CCDC93: variants seen among roughly 807,000 people sequenced by gnomAD.
The protein encoded by CCDC93 is CCC complex scaffolding subunit CCDC93.
A neutral mutation model predicts 108.2 loss-of-function variants in CCDC93; 61 were observed. The observed-to-expected ratio is 0.56, with a 90% CI of 0.46 to 0.70. CCDC93 has a LOEUF of 0.70. Ranked by LOEUF, CCDC93 falls within the 30% of genes least tolerant of loss-of-function variation. The pLI, the probability that CCDC93 is intolerant of heterozygous loss-of-function variation, is 0.00. For synonymous variants in CCDC93, 276 were observed against 260.4 expected, an observed-to-expected ratio of 1.06 and a Z score of -0.58; for missense variants, 685 against 764.2, an observed-to-expected ratio of 0.90 and a Z score of 1.22.
intron 4 of CCDC93, 196 bp from the exon 5 acceptor site, chr2:117,996,558 C>T (rs976504754): frequency 9.8e-6 from 5 of 509,744 alleles, no homozygotes; most frequent in Non-Finnish European, 1.4e-5. Flanking sequence ...TCCAATGGGA[C>T]CTAGTGCTGA....
chr2:117,988,634 T>A (rs182894391), intron 6 of CCDC93, among the ~76,000 whole-genome samples: 8 of 152,230 alleles, frequency 5.3e-5, no homozygotes, highest in Non-Finnish European at 1.2e-4. Flanking sequence ...AGGGACCCCA[T>A]AGATGTTTTC....
chr2:117,944,866 C>T (rs1678818108), intron 17 of CCDC93: 1 of 466,038 alleles, frequency 2.1e-6, no homozygotes, highest in East Asian at 7.0e-5. Flanking sequence ...AGTTTTCCTG[C>T]TTTTCCTTTC....
At chr2:118,008,444 TG>T in intron 2 of CCDC93, 100 bp downstream of exon 2, 1 of 711,120 alleles carries the variant, frequency 1.4e-6, no homozygotes, top group Non-Finnish European at 2.5e-6. Context: ...AACACAGACA[TG>T]GAAGAAGTTA....
intron 16 of CCDC93, 60 bp from the exon 17 acceptor site, chr2:117,945,642 C>T: frequency 6.8e-7 from 1 of 1,472,126 alleles, no homozygotes; most frequent in Non-Finnish European, 9.5e-7. Flanking sequence ...AGACAGAAGC[C>T]AAGGATCTAG....
chr2:118,008,035 C>CT (rs1456629200), intron 2 of CCDC93, among the ~76,000 whole-genome samples: 1 of 152,210 alleles, frequency 6.6e-6, no homozygotes, highest in African/African-American at 2.4e-5. Context: ...TCTTTGAGAA[C>CT]TGTGCCTCTG....
intron 16 of CCDC93, 81 bp from the exon 17 acceptor site, chr2:117,945,663 G>A: frequency 2.6e-6 from 3 of 1,168,976 alleles, no homozygotes; most frequent in Non-Finnish European, 3.8e-6. Context: ...ATGTAGGAAG[G>A]GGCCAGGCAG....
intron 6 of CCDC93, among the ~76,000 whole-genome samples, chr2:117,990,456 T>C (rs1451958283): frequency 6.6e-6 from 1 of 152,244 alleles, no homozygotes; most frequent in African/African-American, 2.4e-5. Flanking sequence ...ACGCCCATCA[T>C]AAGCTCGGAT....
chr2:117,993,388 C>T (rs1192369374), intron 6 of CCDC93, among the ~76,000 whole-genome samples: 3 of 137,844 alleles, frequency 2.2e-5, no homozygotes, highest in East Asian at 4.2e-4. Flanking sequence ...AGCGAGACTC[C>T]GTCTCAAAAA....
chr2:117,920,533 C>T, intron 23 of CCDC93, 137 bp from the exon 24 acceptor site: 1 of 513,342 alleles, frequency 1.9e-6, no homozygotes, highest in Non-Finnish European at 3.5e-6. Context: ...CATGCTGCCG[C>T]CAGGATGGTG....
chr2:117,960,457 ATGTCTCTGAC>A (rs1304425885), intron 11 of CCDC93, among the ~76,000 whole-genome samples: 4 of 152,220 alleles, frequency 2.6e-5, no homozygotes, highest in African/African-American at 9.6e-5. Flanking sequence ...GGATTGGGTG[ATGTCTCTGAC>A]TGTTAGCAAG....
rs559405174 is a variant in CCDC93, at chr2:117,915,540, A to G, written c.*4803T>C. The G allele has an allele frequency of 6.6e-6, 1 of 152,310 alleles. No homozygotes were observed. Among genetic ancestry groups the G allele is most frequent in the African/African-American group, 2.4e-5 (1 of 41,566 alleles). 9.4% of individuals were successfully genotyped at this position (152,310 alleles called of 1,614,324 possible). A position where few individuals can be genotyped will look rare whatever the true frequency, so the allele number is the denominator to read the frequency against. Reference sequence around the variant, plus strand: ...ATTTAGAGAATCAGAATTTTCTTCCATTTTGGTTCTATTAAGAAAAGTATA... The same window carrying G: ...ATTTAGAGAATCAGAATTTTCTTCCGTTTTGGTTCTATTAAGAAAAGTATA... On this transcript the variant is annotated 3_prime_UTR_variant, in exon 24 of 24. Transcript: ENST00000376300.
chr2:117,946,940 A>G, intron 15 of CCDC93, 58 bp from the exon 16 acceptor site: 1 of 1,229,022 alleles, frequency 8.1e-7, no homozygotes, highest in Non-Finnish European at 1.2e-6. Flanking sequence ...AGACGCAATT[A>G]TTCAACTATT....
chr2:117,967,571 C>CT (rs1421083251), intron 11 of CCDC93, among the ~76,000 whole-genome samples: 2 of 152,170 alleles, frequency 1.3e-5, no homozygotes, highest in African/African-American at 4.8e-5. Flanking sequence ...AAGGCAGACA[C>CT]TAAGGATGGT....
chr2:117,922,669 A>G (rs1261434559), intron 23 of CCDC93, among the ~76,000 whole-genome samples: 4 of 152,210 alleles, frequency 2.6e-5, no homozygotes, highest in Non-Finnish European at 5.9e-5. Context: ...ATTATTGCAC[A>G]CTACAAGTGC....
At chr2:117,986,157 TC>T in intron 6 of CCDC93, 88 bp from the exon 7 acceptor site, 2 of 532,846 alleles carry the variant, frequency 3.8e-6, no homozygotes, top group Non-Finnish European at 6.5e-6. Context: ...TGGGGTATAT[TC>T]TCTTTTTTTT....
chr2:117,927,104 T>C (rs1678138467), intron 23 of CCDC93, among the ~76,000 whole-genome samples: 1 of 152,098 alleles, frequency 6.6e-6, no homozygotes, highest in South Asian at 2.1e-4. Context: ...AAACTAGGTA[T>C]TGATGGGATA....
chr2:117,938,592 C>T (rs1250595682), intron 20 of CCDC93, among the ~76,000 whole-genome samples: 1 of 150,330 alleles, frequency 6.7e-6, no homozygotes, highest in Non-Finnish European at 1.5e-5. Flanking sequence ...GTGACAGTGA[C>T]CCTTTCACCC....
chr2:117,974,520 T>C (rs919661838), intron 10 of CCDC93, among the ~76,000 whole-genome samples: 5 of 151,936 alleles, frequency 3.3e-5, no homozygotes, highest in African/African-American at 4.8e-5. Context: ...CCTACCTAGA[T>C]AGTGTAGGAA....
At chr2:117,984,201 C>T (rs1052612563) in intron 7 of CCDC93, among the ~76,000 whole-genome samples, 1 of 152,138 alleles carries the variant, frequency 6.6e-6, no homozygotes, top group African/African-American at 2.4e-5. Context: ...AAAATAACAT[C>T]TCTCTCCCAC....
Sources: allele counts gnomAD v4.1 joint callset (sites outside exome capture counted in the v4.1 genomes callset), GRCh38; gene constraint gnomAD v4.1.1; transcripts MANE v1.5; gene names NCBI Gene and HGNC (gene_info 2026-07-23, HGNC 2026-07-21).